Variants in DENND2A observed in about 807,000 individuals in gnomAD.
DENND2A encodes DENN domain-containing protein 2A.
A neutral mutation model predicts 105.3 loss-of-function variants in DENND2A; 53 were observed. That is an observed-to-expected ratio of 0.50 (90% CI 0.40 to 0.63). DENND2A has a LOEUF of 0.63. DENND2A is among the 30% of genes least tolerant of loss of function. DENND2A has a pLI of 0.00. For missense variants in DENND2A, 1,138 were observed against 1,279.6 expected (o/e 0.89, Z 1.69); for synonymous variants, 522 against 508.4 (o/e 1.03, Z -0.36).
Position 140,585,723 on chromosome 7 carries a change from G to A in DENND2A, c.1124-13C>T, listed in dbSNP as rs1280548658. The A allele has an allele frequency of 6.2e-7, 1 of 1,613,974 alleles. No individual in the cohort carries two copies. The highest frequency in any genetic ancestry group is 1.1e-5 in the South Asian group (1 of 91,070). ...TTCATTGGCGGATCTGTGTTCAAAG[G>A]CAATGTGTCAGGAACCTGGGAACAC... is the stretch of plus-strand genomic sequence containing the variant. On this transcript the variant is annotated splice_polypyrimidine_tract_variant and intron_variant, in intron 4 of 19. Coordinates refer to ENST00000496613, the MANE Select transcript of DENND2A (RefSeq NM_015689.5).
chr7:140,524,063 C>G (rs1030978586), intron 16 of DENND2A, among the ~76,000 whole-genome samples: 1 of 152,138 alleles, frequency 6.6e-6, no homozygotes, highest in African/African-American at 2.4e-5. Context: ...ATTCTGGTAA[C>G]CAGGGGATTC....
At chr7:140,564,717 T>C (rs1408319189) in intron 9 of DENND2A, among the ~76,000 whole-genome samples, 1 of 152,202 alleles carries the variant, frequency 6.6e-6, no homozygotes, top group Non-Finnish European at 1.5e-5. Flanking sequence ...ACAATAATCA[T>C]TTGATCATTA....
At position 140,527,694 on chromosome 7, in the gene DENND2A, A is replaced by G. The variant is rs1460369657; in HGVS notation, c.2328-199T>C. ...ATGCGAGAGGCTTGCAGGCACAGCT[A>G]CAGGGATGAGTTTAACGTCCTGGAT... On this transcript the variant is annotated intron_variant, in intron 14 of 19. Coordinates refer to ENST00000496613, the MANE Select transcript of DENND2A (RefSeq NM_015689.5). This position sits in a 1 kb window ranked among gnomAD's most constrained non-coding sequence, Gnocchi z 4.9. 2.0e-5 allele frequency among the ~76,000 whole-genome samples: 3 copies of G among 152,326 alleles called. No homozygotes were observed. Among genetic ancestry groups the G allele is most frequent in the South Asian group, 4.1e-4 (2 of 4,832 alleles).
At chr7:140,585,335 C>T (rs1448029192) in intron 5 of DENND2A, among the ~76,000 whole-genome samples, 2 of 152,174 alleles carry the variant, frequency 1.3e-5, no homozygotes, top group Non-Finnish European at 2.9e-5. Context: ...GACGGATGTA[C>T]CATCTTTTAT....
chr7:140,623,315 CAAAA>C (rs11321461), intron 1 of DENND2A, among the ~76,000 whole-genome samples: 1 of 74,884 alleles, frequency 1.3e-5, no homozygotes, highest in Non-Finnish European at 3.0e-5. Context: ...GCTCTATCTC[CAAAA>C]AAAAAAAAAA....
At position 140,567,286 on chromosome 7, in the gene DENND2A, GGGAGAGAGAAAGAGAGAA is replaced by G. The variant is rs1201867981; in HGVS notation, c.1592-31_1592-14del. On this transcript the variant is annotated splice_polypyrimidine_tract_variant and intron_variant, in intron 8 of 19. Coordinates refer to ENST00000496613, the MANE Select transcript of DENND2A (RefSeq NM_015689.5). ...CGCTGGCTGTGAGCTGGGTGAGGGA[GGGAGAGAGAAAGAGAGAA>G]AGAGAGAGAGAGAGAGAGAGAGAGA... is the stretch of plus-strand genomic sequence containing the variant. The G allele has an allele frequency of 3.1e-6, 5 of 1,587,870 alleles. No homozygotes were observed. Among genetic ancestry groups the G allele is most frequent in the Middle Eastern group, 3.8e-4 (2 of 5,328 alleles).
At chr7:140,551,528 C>A (rs1230440979) in intron 12 of DENND2A, among the ~76,000 whole-genome samples, 1 of 152,022 alleles carries the variant, frequency 6.6e-6, no homozygotes, top group Non-Finnish European at 1.5e-5. Flanking sequence ...ACCAGGCCTG[C>A]GCCCAGACTT....
intron 1 of DENND2A, among the ~76,000 whole-genome samples, chr7:140,609,329 A>G (rs1471976327): frequency 1.3e-5 from 2 of 152,184 alleles, no homozygotes; most frequent in African/African-American, 2.4e-5. Context: ...CCTGGCCAAC[A>G]TGGGGAAACC....
chr7:140,573,961 C>T lies in DENND2A; in HGVS notation c.1293G>A (p.Arg431=), dbSNP rs765632736. The change falls in exon 6 of 20, where the codon AGG becomes AGA. Residue 431 remains arginine, a synonymous_variant. Coordinates refer to ENST00000496613, the MANE Select transcript of DENND2A (RefSeq NM_015689.5). ...PAFFRQNSER[R]NFKLLDTRKL... ...TCCTAGTGTCCAGCAGCTTGAAGTTCCTCCTCTCTGAATTTTGTCGGAAAA... is the reference window on the plus strand; with the variant it reads ...TCCTAGTGTCCAGCAGCTTGAAGTTTCTCCTCTCTGAATTTTGTCGGAAAA... 6.2e-6 allele frequency: 10 copies of T among 1,614,134 alleles called. No individual in the cohort carries two copies. In the South Asian group the frequency reaches 8.8e-5, roughly 14 times the overall value.
rs1266157125 is a variant in DENND2A at position 140,527,949 on chromosome 7, TC to T, written c.2328-455del. Reference sequence around the variant, plus strand: ...TCCCAGGTTCAGGTTCAAGCAATTCTCCCACCTCGGCCTCCTGAGTAGCTGG... The same window carrying T: ...TCCCAGGTTCAGGTTCAAGCAATTCTCCACCTCGGCCTCCTGAGTAGCTGG... On this transcript the variant is annotated intron_variant, in intron 14 of 19. Transcript: ENST00000496613. This position sits in a 1 kb window ranked among gnomAD's most constrained non-coding sequence, Gnocchi z 4.9. Among the ~76,000 whole-genome samples, 1 of 152,050 alleles carries T rather than the reference TC, an allele frequency of 6.6e-6. No individual in the cohort carries two copies. Among genetic ancestry groups the T allele is most frequent in the African/African-American group, 2.4e-5 (1 of 41,376 alleles).
At chr7:140,564,072 C>T (rs73165430) in intron 9 of DENND2A, among the ~76,000 whole-genome samples, 5,662 of 152,212 alleles carry the variant, frequency 0.037, 157 homozygotes, top group Non-Finnish European at 0.057. Context: ...CATTTGAGGT[C>T]AAGAGTTTGA....
intron 10 of DENND2A, among the ~76,000 whole-genome samples, 164 bp from the exon 11 acceptor site, chr7:140,558,376 G>A (rs951338626): frequency 2.0e-5 from 3 of 152,160 alleles, no homozygotes; most frequent in African/African-American, 7.2e-5. Context: ...CTGAGACACT[G>A]GTCACCCATA....
At chr7:140,558,273 C>A in intron 10 of DENND2A, 61 bp from the exon 11 acceptor site, 1 of 1,400,052 alleles carries the variant, frequency 7.1e-7, no homozygotes, top group Non-Finnish European at 1.0e-6. Flanking sequence ...CACCTCATCA[C>A]TCTGCAGCAA....
In DENND2A at chr7:140,544,701, G is replaced by A. The variant is rs199613064; in HGVS notation, c.2244C>T (p.Ser748=). The change falls in exon 14 of 20, where the codon TCC becomes TCT. Residue 748 remains serine (S), a synonymous_variant. Coordinates refer to ENST00000496613, the MANE Select transcript of DENND2A (RefSeq NM_015689.5). ...AGACCAGGTGGCGGACGCTGAGGGA[G>A]GAGAAGAGAGACTCAAAGTCCACGT... ...LEHVDFESLF[S]SLSVRHLVCV... is the part of the protein sequence containing the mutation. 8.7e-6 allele frequency: 14 copies of A among 1,613,300 alleles called. No homozygotes were observed. In the Admixed American group the frequency reaches 1.8e-4, roughly 21 times the overall value.
At chr7:140,547,094 A>G (rs1879901) in intron 12 of DENND2A, among the ~76,000 whole-genome samples, 155 bp from the exon 13 acceptor site, 106,566 of 152,064 alleles carry the variant, frequency 0.7, 37,535 homozygotes, top group East Asian at 0.86. Flanking sequence ...GACCCTACAC[A>G]TGATTGTCCC....
intron 13 of DENND2A, 43 bp downstream of exon 13, chr7:140,546,756 G>A: frequency 6.2e-7 from 1 of 1,608,704 alleles, no homozygotes; most frequent in Non-Finnish European, 8.5e-7. Flanking sequence ...GGCTGTCTGG[G>A]CCACTGCCTC....
chr7:140,570,504 G>A (rs1250066468), intron 6 of DENND2A, among the ~76,000 whole-genome samples: 1 of 152,214 alleles, frequency 6.6e-6, no homozygotes, highest in African/African-American at 2.4e-5. Context: ...CCTGAGTGGG[G>A]TGAGAACCGG....
intron 11 of DENND2A, among the ~76,000 whole-genome samples, chr7:140,556,468 A>G (rs112474341): frequency 0.014 from 2,082 of 151,852 alleles, 44 homozygotes; most frequent in African/African-American, 0.048. Flanking sequence ...CCTCCCGAAT[A>G]GCTGGGATTA....
chr7:140,610,528 TTA>T (rs914215614), intron 1 of DENND2A, among the ~76,000 whole-genome samples: 4 of 151,614 alleles, frequency 2.6e-5, no homozygotes, highest in East Asian at 3.9e-4. Context: ...TTGCTAGATT[TTA>T]TATATATATA....
Sources: gnomAD v4.1 joint callset for allele counts (sites outside exome capture counted in the v4.1 genomes callset) on GRCh38, gnomAD v4.1.1 for gene constraint, Gnocchi (gnomAD v3.1) non-coding constraint, MANE v1.5 for transcripts, NCBI Gene and HGNC (gene_info 2026-07-23, HGNC 2026-07-21) for gene names.